Variants in MSRA observed in about 807,000 individuals in gnomAD.
The protein encoded by MSRA is mitochondrial peptide methionine sulfoxide reductase.
A neutral mutation model predicts 31.3 loss-of-function variants in MSRA; 54 were observed. The observed-to-expected ratio is 1.73, with a 90% CI of 1.39 to 2.17. MSRA has a LOEUF of 2.17. MSRA is among the 30% of genes most tolerant of loss of function. MSRA has a pLI of 0.00. For missense variants in MSRA, 507 were observed against 300.9 expected (o/e 1.69, Z -5.07); for synonymous variants, 169 against 116.5 (o/e 1.45, Z -2.90).
intron 1 of MSRA, among the ~76,000 whole-genome samples, chr8:10,073,573 A>G (rs1380441739): frequency 6.6e-6 from 1 of 151,838 alleles, no homozygotes; most frequent in African/African-American, 2.4e-5. Context: ...TTTTTTTCCA[A>G]GTTCTTCCTA....
chr8:10,288,117 G>A (rs114452061), intron 3 of MSRA, among the ~76,000 whole-genome samples: 2 of 152,154 alleles, frequency 1.3e-5, no homozygotes, highest in Admixed American at 1.3e-4. Context: ...ATTATAGTTG[G>A]TTTGGTCACC....
chr8:10,226,005 C>T (rs4265190), intron 2 of MSRA, among the ~76,000 whole-genome samples: 1 of 152,114 alleles, frequency 6.6e-6, no homozygotes, highest in South Asian at 2.1e-4. Context: ...ATTCACTGCA[C>T]AGTAACTTGG....
chr8:10,252,906 T>TG (rs1371999336), intron 3 of MSRA, among the ~76,000 whole-genome samples: 6 of 152,238 alleles, frequency 3.9e-5, no homozygotes, highest in African/African-American at 1.4e-4. Context: ...GGGGGTTCTC[T>TG]GGCAGTATCT....
chr8:10,369,080 G>A (rs528810606), intron 5 of MSRA, among the ~76,000 whole-genome samples: 9 of 152,320 alleles, frequency 5.9e-5, no homozygotes, highest in Admixed American at 5.2e-4. Context: ...CAATGAGTTC[G>A]AGATGAACTC....
At chr8:10,359,357 T>A (rs998686611) in intron 5 of MSRA, among the ~76,000 whole-genome samples, 5 of 152,328 alleles carry the variant, frequency 3.3e-5, no homozygotes, top group Admixed American at 6.5e-5. Context: ...TTGTTTTATA[T>A]ACTGGTTTTT....
intron 1 of MSRA, among the ~76,000 whole-genome samples, chr8:10,082,826 C>G (rs529635181): frequency 6.6e-6 from 1 of 152,182 alleles, no homozygotes; most frequent in Non-Finnish European, 1.5e-5. Context: ...CACTCTATCA[C>G]CTTATCCCTG....
chr8:10,202,253 C>T (rs993111731), intron 1 of MSRA, among the ~76,000 whole-genome samples: 2 of 152,156 alleles, frequency 1.3e-5, no homozygotes, highest in African/African-American at 4.8e-5. Context: ...AGCAGAATTT[C>T]AATGAGAAAA....
chr8:10,221,972 A>G (rs1266684560), intron 2 of MSRA, among the ~76,000 whole-genome samples: 2 of 152,144 alleles, frequency 1.3e-5, no homozygotes, highest in Non-Finnish European at 2.9e-5. Flanking sequence ...AGACTACGAG[A>G]TCATGAAGGG....
chr8:10,123,621 G>A (rs184764435), intron 1 of MSRA, among the ~76,000 whole-genome samples: 9 of 152,208 alleles, frequency 5.9e-5, no homozygotes, highest in African/African-American at 1.7e-4. Flanking sequence ...AGTATAGGTT[G>A]TCTTCCAGAG....
rs1273060480 is a variant in MSRA at position 10,258,968 on chromosome 8, G to A, written c.331+13745G>A. On this transcript the variant is annotated intron_variant, in intron 3 of 5. Coordinates refer to ENST00000317173, the MANE Select transcript of MSRA (RefSeq NM_012331.5). ...CTAAAAATACAAAAACTAGCCGGGT[G>A]TGGTGGTGCAAGTCTGTAATCCCAG... Among the ~76,000 whole-genome samples the A allele has an allele frequency of 3.9e-5, 6 of 152,264 alleles. No individual in the cohort carries two copies. The South Asian group carries it at 8.3e-4, about 21-fold the overall frequency.
chr8:10,131,867 G>A (rs1265325327), intron 1 of MSRA, among the ~76,000 whole-genome samples: 1 of 152,154 alleles, frequency 6.6e-6, no homozygotes, highest in East Asian at 1.9e-4. Flanking sequence ...CTCCTCTTAA[G>A]CCATTACAAT....
At chr8:10,304,273 G>A (rs757716516) in intron 4 of MSRA, among the ~76,000 whole-genome samples, 20 of 152,336 alleles carry the variant, frequency 1.3e-4, no homozygotes, top group Middle Eastern at 3.4e-3. Context: ...TCTGGGATAC[G>A]CACGAGTATC....
intron 1 of MSRA, among the ~76,000 whole-genome samples, chr8:10,056,532 T>C (rs2128909765): frequency 6.6e-6 from 1 of 151,884 alleles, no homozygotes; most frequent in East Asian, 1.9e-4. Context: ...AACTTTTTTT[T>C]TTTTTTTTTG....
At chr8:10,075,542 T>A (rs575897171) in intron 1 of MSRA, among the ~76,000 whole-genome samples, 1 of 152,318 alleles carries the variant, frequency 6.6e-6, no homozygotes, top group African/African-American at 2.4e-5. Flanking sequence ...TCTACAAATA[T>A]GTAAAAATAT....
In MSRA at chr8:10,077,045, T is replaced by TAAAAA. The variant is rs543152237; in HGVS notation, c.142+22399_142+22403dup. Among the ~76,000 whole-genome samples the TAAAAA allele has an allele frequency of 8.1e-4, 113 of 139,090 alleles. 1 individual carries two copies. The highest frequency in any genetic ancestry group is 1.6e-3 in the African/African-American group (58 of 37,338). 91.2% of individuals were successfully genotyped at this position (139,090 alleles called of 152,430 possible). A position where few individuals can be genotyped will look rare whatever the true frequency, so the allele number is the denominator to read the frequency against. On this transcript the variant is annotated intron_variant, in intron 1 of 5. Coordinates refer to ENST00000317173, the MANE Select transcript of MSRA (RefSeq NM_012331.5). The stretch of plus-strand genomic sequence containing the variant: ...CATCCTGCACATGTACCTCAGAACT[T>TAAAAA]AAAAAAAAAAAAAAAAGAGCAGAGG...
chr8:10,225,053 G>A (rs754876785), intron 2 of MSRA, among the ~76,000 whole-genome samples: 1 of 152,138 alleles, frequency 6.6e-6, no homozygotes, highest in Non-Finnish European at 1.5e-5. Context: ...GAGTAGAATC[G>A]CTTGAACCCA....
At position 10,173,125 on chromosome 8, in the gene MSRA, C is replaced by G. The variant is rs550122665; in HGVS notation, c.143-34708C>G. Among the ~76,000 whole-genome samples, 120 of 152,354 alleles carry G rather than the reference C, an allele frequency of 7.9e-4. 1 individual carries two copies. Among genetic ancestry groups the G allele is most frequent in the African/African-American group, 2.6e-3 (109 of 41,578 alleles). ...CAATCTGGGTCTTACAGCCCTTTTT[C>G]TGTTCAAAGTCTTCCTTAATACAAA... On this transcript the variant is annotated intron_variant, in intron 1 of 5. Transcript: ENST00000317173.
chr8:10,376,865 G>T (rs1219480865), intron 5 of MSRA, among the ~76,000 whole-genome samples: 5 of 152,170 alleles, frequency 3.3e-5, no homozygotes, highest in Non-Finnish European at 7.3e-5. Context: ...CAATAAATAC[G>T]CAGGTGCCTT....
Position 10,150,844 on chromosome 8 carries a change from A to G in MSRA, c.143-56989A>G, listed in dbSNP as rs147369839. 3.3e-3 allele frequency among the ~76,000 whole-genome samples: 496 copies of G among 152,168 alleles called. 10 individuals carry two copies. The highest frequency in any genetic ancestry group is 0.011 in the African/African-American group (458 of 41,516). ...CTGCCCAGTTGCATCCCTTTCCAGC[A>G]TCGTTTCTGCTGCTCTTGAACCTGT... is the stretch of plus-strand genomic sequence containing the variant. On this transcript the variant is annotated intron_variant, in intron 1 of 5. Transcript: ENST00000317173.
Sources: gnomAD v4.1 joint callset for allele counts (sites outside exome capture counted in the v4.1 genomes callset) on GRCh38, gnomAD v4.1.1 for gene constraint, MANE v1.5 for transcripts, NCBI Gene and HGNC (gene_info 2026-07-23, HGNC 2026-07-21) for gene names.